AGBL1: variants seen among roughly 807,000 people sequenced by gnomAD.
AGBL1 encodes AGBL carboxypeptidase 1.
In AGBL1, 130 loss-of-function variants were observed where a neutral mutation model predicts 118.9. The ratio of observed to expected loss-of-function variants is 1.09; its 90% CI spans 0.95 to 1.26. The LOEUF is 1.26. Among genes scored for constraint, AGBL1 ranks in the 50% most tolerant of loss-of-function variants. The pLI, the probability that AGBL1 is intolerant of heterozygous loss-of-function variation, is 0.00. For missense variants in AGBL1, 1,584 were observed against 1,298.1 expected, an observed-to-expected ratio of 1.22 and a Z score of -3.38; for synonymous variants, 555 against 478.9, an observed-to-expected ratio of 1.16 and a Z score of -2.08.
chr15:87,016,972 G>A (rs2081613298), intron 24 of AGBL1, among the ~76,000 whole-genome samples: 1 of 152,134 alleles, frequency 6.6e-6, no homozygotes, highest in African/African-American at 2.4e-5. Context: ...CAGGATTTCT[G>A]ACAAGGTAAG....
chr15:86,898,291 G>C (rs999115818), intron 22 of AGBL1, among the ~76,000 whole-genome samples: 1 of 152,098 alleles, frequency 6.6e-6, no homozygotes, highest in Non-Finnish European at 1.5e-5. Flanking sequence ...CTGTGTCCAG[G>C]ATGGTATTAT....
At chr15:86,893,923 C>T (rs1451253467) in intron 22 of AGBL1, among the ~76,000 whole-genome samples, 4 of 152,130 alleles carry the variant, frequency 2.6e-5, no homozygotes, top group African/African-American at 7.2e-5. Flanking sequence ...CACATGAAGA[C>T]AACAAAGCTC....
chr15:86,623,935 C>CA (rs1358229885), intron 21 of AGBL1, among the ~76,000 whole-genome samples: 2 of 152,196 alleles, frequency 1.3e-5, no homozygotes, highest in East Asian at 3.8e-4. Context: ...TCTAGTCTGA[C>CA]ACTGCTGTGC....
At chr15:86,335,185 C>T (rs1349732981) in intron 17 of AGBL1, among the ~76,000 whole-genome samples, 1 of 151,422 alleles carries the variant, frequency 6.6e-6, no homozygotes, top group Non-Finnish European at 1.5e-5. Context: ...GTTGCCCAGG[C>T]TGGAGTGTAG....
chr15:86,184,284 A>G (rs557085503), intron 5 of AGBL1, among the ~76,000 whole-genome samples: 2 of 152,288 alleles, frequency 1.3e-5, no homozygotes, highest in East Asian at 3.9e-4. Context: ...GGCTGAAATG[A>G]GTTCATTGAG....
chr15:86,821,374 G>A (rs924507959), intron 22 of AGBL1, among the ~76,000 whole-genome samples: 1 of 151,994 alleles, frequency 6.6e-6, no homozygotes, highest in Non-Finnish European at 1.5e-5. Context: ...AAATATCTTA[G>A]GGAGAATAAC....
At chr15:86,744,636 AG>A (rs1410407408) in intron 22 of AGBL1, among the ~76,000 whole-genome samples, 1 of 152,048 alleles carries the variant, frequency 6.6e-6, no homozygotes, top group Non-Finnish European at 1.5e-5. Flanking sequence ...TCACCCCCAG[AG>A]GGGGGGAGGA....
At chr15:86,588,100 T>C (rs1391518927) in intron 21 of AGBL1, among the ~76,000 whole-genome samples, 3 of 152,336 alleles carry the variant, frequency 2.0e-5, no homozygotes, top group Middle Eastern at 3.4e-3. Flanking sequence ...TTATGTTTAA[T>C]TGCACAGTTA....
intron 7 of AGBL1, among the ~76,000 whole-genome samples, chr15:86,249,785 C>G (rs1182091065): frequency 6.6e-6 from 1 of 152,058 alleles, no homozygotes; most frequent in Non-Finnish European, 1.5e-5. Context: ...AAAAACAAGA[C>G]CAATAAAGGA....
At chr15:86,730,507 GT>G (rs1266199301) in intron 22 of AGBL1, among the ~76,000 whole-genome samples, 1 of 152,044 alleles carries the variant, frequency 6.6e-6, no homozygotes, top group Non-Finnish European at 1.5e-5. Flanking sequence ...AGGTCCGTGG[GT>G]TTTTTTTCTT....
intron 18 of AGBL1, among the ~76,000 whole-genome samples, chr15:86,450,147 A>G (rs1193251817): frequency 6.6e-6 from 1 of 152,182 alleles, no homozygotes; most frequent in Non-Finnish European, 1.5e-5. Context: ...CGATTGTTGC[A>G]TAAAGCCATT....
intron 22 of AGBL1, among the ~76,000 whole-genome samples, chr15:86,895,169 C>CT (rs11372009): frequency 0.37 from 55,488 of 149,864 alleles, 10,543 homozygotes; most frequent in Middle Eastern, 0.51. Context: ...TCTTCTTTCT[C>CT]TTTCCCCCCT....
chr15:86,353,404 C>G (rs953845606), intron 17 of AGBL1, among the ~76,000 whole-genome samples: 1 of 152,172 alleles, frequency 6.6e-6, no homozygotes, highest in Non-Finnish European at 1.5e-5. Flanking sequence ...ATCTAATGGG[C>G]TGCCACTGAG....
At chr15:86,477,032 A>G (rs2082570055) in intron 18 of AGBL1, among the ~76,000 whole-genome samples, 1 of 152,342 alleles carries the variant, frequency 6.6e-6, no homozygotes, top group South Asian at 2.1e-4. Flanking sequence ...TTTGAAACCA[A>G]TGAGAACAAA....
At chr15:86,103,881 C>T (rs1896878203) in intron 1 of AGBL1, among the ~76,000 whole-genome samples, 1 of 152,102 alleles carries the variant, frequency 6.6e-6, no homozygotes, top group Non-Finnish European at 1.5e-5. Context: ...CAGCAATGGG[C>T]CAGGTGGATG....
chr15:86,582,147 TG>T (rs2084180261), intron 21 of AGBL1, among the ~76,000 whole-genome samples: 1 of 152,174 alleles, frequency 6.6e-6, no homozygotes, highest in Non-Finnish European at 1.5e-5. Context: ...CATTGCCAGT[TG>T]TCCCCTTGTA....
intron 2 of AGBL1, 37 bp downstream of exon 2, chr15:86,142,104 A>T: frequency 6.5e-7 from 1 of 1,544,510 alleles, no homozygotes; most frequent in Non-Finnish European, 8.8e-7. Context: ...CATATGGCGG[A>T]TGTGGAGCCT....
chr15:86,957,132 G>C (rs1436827321), intron 23 of AGBL1, among the ~76,000 whole-genome samples: 2 of 151,984 alleles, frequency 1.3e-5, no homozygotes, highest in Non-Finnish European at 2.9e-5. Context: ...GTGCGTGTGG[G>C]ATCTGAAATC....
chr15:86,115,296 A>G (rs1030462132), intron 1 of AGBL1, among the ~76,000 whole-genome samples: 1 of 152,170 alleles, frequency 6.6e-6, no homozygotes, highest in African/African-American at 2.4e-5. Flanking sequence ...CATCCACTTT[A>G]TTCTAGTCTA....
Sources: gnomAD v4.1 joint callset for allele counts (sites outside exome capture counted in the v4.1 genomes callset) on GRCh38, gnomAD v4.1.1 for gene constraint, MANE v1.5 for transcripts, NCBI Gene and HGNC (gene_info 2026-07-23, HGNC 2026-07-21) for gene names.